GPC6: variants seen among roughly 807,000 people sequenced by gnomAD.
GPC6 encodes glypican-6.
Under a neutral mutation model 55.2 loss-of-function variants are expected in GPC6, and 14 were observed. The ratio of observed to expected loss-of-function variants is 0.25; its 90% CI spans 0.17 to 0.40. GPC6 has a LOEUF of 0.40. Ranked by LOEUF, GPC6 falls within the 10% of genes least tolerant of loss-of-function variation. GPC6 has a pLI of 1.00. For synonymous variants in GPC6, 278 were observed against 259.6 expected (o/e 1.07, Z -0.68); for missense variants, 641 against 708.5 (o/e 0.90, Z 1.08).
chr13:93,444,195 C>CTTTTTTTT (rs10659977), intron 1 of GPC6, among the ~76,000 whole-genome samples: 7 of 110,704 alleles, frequency 6.3e-5, no homozygotes, highest in African/African-American at 2.3e-4. Flanking sequence ...TGCAATTCTT[C>CTTTTTTTT]TTTTTTTTTT....
intron 1 of GPC6, among the ~76,000 whole-genome samples, chr13:93,368,520 C>T (rs529359777): frequency 6.6e-6 from 1 of 152,076 alleles, no homozygotes; most frequent in Admixed American, 6.6e-5. Flanking sequence ...CTCATGTCCT[C>T]AAAGACATGG....
rs189078221 is a variant in GPC6, at chr13:93,329,319, G to A, written c.160+101703G>A. On this transcript the variant is annotated intron_variant, in intron 1 of 8. Coordinates refer to ENST00000377047, the MANE Select transcript of GPC6 (RefSeq NM_005708.5). ...GGCATTTAGGCAACAGCTTGTAAAA[G>A]CCAGTGAACCCGTCACTATTGGCAA... 1.1e-4 allele frequency among the ~76,000 whole-genome samples: 17 copies of A among 152,182 alleles called. No individual in the cohort carries two copies. In the East Asian group the frequency reaches 1.2e-3, roughly 10 times the overall value.
chr13:93,591,221 C>T (rs965567483), intron 2 of GPC6, among the ~76,000 whole-genome samples: 4 of 150,606 alleles, frequency 2.7e-5, no homozygotes, highest in Admixed American at 1.3e-4. Flanking sequence ...CCCAGCACTT[C>T]GGGAGGCCGA....
At chr13:94,203,522 C>T (rs1889818470) in intron 4 of GPC6, among the ~76,000 whole-genome samples, 1 of 152,098 alleles carries the variant, frequency 6.6e-6, no homozygotes, top group African/African-American at 2.4e-5. Context: ...TCCTTAGATT[C>T]ACCATAATAA....
chr13:93,387,688 T>A (rs1026606721), intron 1 of GPC6, among the ~76,000 whole-genome samples: 3 of 152,220 alleles, frequency 2.0e-5, no homozygotes, highest in Non-Finnish European at 2.9e-5. Context: ...AGAACATAAT[T>A]TAATATGGAA....
Position 93,754,481 on chromosome 13 carries a change from C to G in GPC6, c.320-75673C>G, listed in dbSNP as rs542250936. On this transcript the variant is annotated intron_variant, in intron 2 of 8. Transcript: ENST00000377047. ...CAGCTAAAAGAGATAAATAATTAAT[C>G]GCTTATTCCCAGTACAAGAAAATGA... Among the ~76,000 whole-genome samples the G allele has an allele frequency of 1.8e-4, 28 of 152,172 alleles. No homozygotes were observed. In the South Asian group the frequency reaches 5.6e-3, roughly 30 times the overall value.
rs1267881657 is a variant in GPC6, at chr13:94,052,668, T to G, written c.877+24774T>G. On this transcript the variant is annotated intron_variant, in intron 4 of 8. Coordinates refer to ENST00000377047, the MANE Select transcript of GPC6 (RefSeq NM_005708.5). Reference sequence around the variant, plus strand: ...TAAGTCTGTACCGATTTGTACACGGTGTTTTTGTTTCATTTGTTTCATTTT... The same window carrying G: ...TAAGTCTGTACCGATTTGTACACGGGGTTTTTGTTTCATTTGTTTCATTTT... 2.0e-5 allele frequency among the ~76,000 whole-genome samples: 3 copies of G among 152,272 alleles called. No individual in the cohort carries two copies. The East Asian group carries it at 5.8e-4, about 29-fold the overall frequency.
intron 4 of GPC6, among the ~76,000 whole-genome samples, chr13:94,066,265 C>T (rs953288244): frequency 1.4e-4 from 22 of 152,048 alleles, no homozygotes; most frequent in African/African-American, 5.3e-4. Context: ...TCCAATTATT[C>T]ACCCCATGCT....
At chr13:94,046,132 C>CA (rs1179909091) in intron 4 of GPC6, among the ~76,000 whole-genome samples, 1 of 152,006 alleles carries the variant, frequency 6.6e-6, no homozygotes, top group Non-Finnish European at 1.5e-5. Context: ...TACTGTGAAA[C>CA]AGAGACTGGA....
intron 2 of GPC6, among the ~76,000 whole-genome samples, chr13:93,586,530 A>C (rs757522800): frequency 3.3e-5 from 5 of 152,208 alleles, no homozygotes; most frequent in Non-Finnish European, 5.9e-5. Context: ...TTCCTGTTCA[A>C]AAAATGGTGC....
intron 6 of GPC6, among the ~76,000 whole-genome samples, chr13:94,327,282 G>A (rs568763606): frequency 5.9e-5 from 9 of 152,262 alleles, no homozygotes; most frequent in Non-Finnish European, 4.4e-5. Context: ...CATGGCGGAC[G>A]GGGCTTGGAG....
chr13:93,896,966 G>A (rs1876047359), intron 3 of GPC6, among the ~76,000 whole-genome samples: 1 of 148,288 alleles, frequency 6.7e-6, no homozygotes, highest in Non-Finnish European at 1.5e-5. Context: ...GATAGAATGT[G>A]GGTTTAAACC....
chr13:93,796,829 A>G (rs2138930851), intron 2 of GPC6, among the ~76,000 whole-genome samples: 1 of 119,664 alleles, frequency 8.4e-6, no homozygotes, highest in East Asian at 2.3e-4. Flanking sequence ...GGCCATTCCA[A>G]GAAGAGCTTA....
intron 3 of GPC6, among the ~76,000 whole-genome samples, chr13:94,017,332 T>C (rs1882506914): frequency 6.6e-6 from 1 of 152,024 alleles, no homozygotes; most frequent in Non-Finnish European, 1.5e-5. Flanking sequence ...TATGACTGGG[T>C]AATTTATAAA....
At chr13:93,285,141 G>A (rs988278042) in intron 1 of GPC6, among the ~76,000 whole-genome samples, 3 of 152,094 alleles carry the variant, frequency 2.0e-5, no homozygotes, top group Admixed American at 6.6e-5. Context: ...AGTGAGTTCC[G>A]GTGAGTTCTG....
intron 2 of GPC6, among the ~76,000 whole-genome samples, chr13:93,593,653 T>C (rs1877589622): frequency 6.6e-6 from 1 of 152,164 alleles, no homozygotes; most frequent in African/African-American, 2.4e-5. Flanking sequence ...GGTAAAAATA[T>C]CCAATTATTC....
At chr13:93,867,186 T>A (rs989599968) in intron 3 of GPC6, among the ~76,000 whole-genome samples, 1 of 151,772 alleles carries the variant, frequency 6.6e-6, no homozygotes, top group Non-Finnish European at 1.5e-5. Context: ...GCTTATATTA[T>A]GGTGAAATGT....
intron 4 of GPC6, among the ~76,000 whole-genome samples, chr13:94,170,647 G>T (rs984705306): frequency 6.1e-4 from 93 of 152,200 alleles, no homozygotes; most frequent in Admixed American, 5.9e-3. Context: ...AAATCAGACT[G>T]GATTTTCACG....
intron 4 of GPC6, among the ~76,000 whole-genome samples, chr13:94,079,094 A>G (rs1885019588): frequency 6.6e-6 from 1 of 152,090 alleles, no homozygotes; most frequent in Admixed American, 6.6e-5. Flanking sequence ...GTACAGTATA[A>G]CATCTATTTA....
Sources: gnomAD v4.1 joint callset for allele counts (sites outside exome capture counted in the v4.1 genomes callset) on GRCh38, gnomAD v4.1.1 for gene constraint, MANE v1.5 for transcripts, NCBI Gene and HGNC (gene_info 2026-07-23, HGNC 2026-07-21) for gene names.